SMAD2: variants seen among roughly 807,000 people sequenced by gnomAD.
SMAD2 encodes the protein SMAD family member 2.
In SMAD2, 8 loss-of-function variants were observed where a neutral mutation model predicts 64.4. The observed-to-expected ratio is 0.12, with a 90% CI of 0.07 to 0.22. SMAD2 has a LOEUF of 0.22. Among genes scored for constraint, SMAD2 ranks in the 10% least tolerant of loss-of-function variants. The pLI, the probability that SMAD2 is intolerant of heterozygous loss-of-function variation, is 1.00. For synonymous variants in SMAD2, 203 were observed against 195.8 expected (o/e 1.04, Z -0.31); for missense variants, 289 against 561.2 (o/e 0.51, Z 4.90).
chr18:47,899,602 G>A (rs1357366939), intron 1 of SMAD2, among the ~76,000 whole-genome samples: 1 of 152,140 alleles, frequency 6.6e-6, no homozygotes, highest in Admixed American at 6.5e-5. Flanking sequence ...AATGCATTGT[G>A]TTGCACATAA....
rs1913459233 is a variant in SMAD2, at chr18:47,836,836, A to T, written c.*4991T>A. 4.6e-6 allele frequency: 1 copy of T among 215,872 alleles called. No homozygotes were observed. The highest frequency in any genetic ancestry group is 9.3e-6 in the Non-Finnish European group (1 of 107,164). 13.4% of individuals were successfully genotyped at this position (215,872 alleles called of 1,614,324 possible). A position where few individuals can be genotyped will look rare whatever the true frequency, so the allele number is the denominator to read the frequency against. On this transcript the variant is annotated 3_prime_UTR_variant, in exon 11 of 11. Transcript: ENST00000262160. ...CTCAAAACACAGGAATTCCACTCCA[A>T]GAGATAATTTGCCCCTCAATCCCTA...
chr18:47,896,164 C>T (rs2033428793), intron 2 of SMAD2, among the ~76,000 whole-genome samples: 1 of 152,158 alleles, frequency 6.6e-6, no homozygotes, highest in Non-Finnish European at 1.5e-5. Context: ...TCTTTTCACC[C>T]CTGATGAAAG....
intron 2 of SMAD2, among the ~76,000 whole-genome samples, chr18:47,874,247 G>C (rs1027455834): frequency 6.6e-6 from 1 of 152,126 alleles, no homozygotes; most frequent in Non-Finnish European, 1.5e-5. Flanking sequence ...AAACAATCTT[G>C]AAAAAGAATT....
At position 47,818,767 on chromosome 18, in the gene SMAD2, G is replaced by A. The variant is rs1912460082; in HGVS notation, c.*23060C>T. The A allele has an allele frequency of 6.6e-6, 1 of 152,206 alleles. No homozygotes were observed. Among genetic ancestry groups the A allele is most frequent in the Non-Finnish European group, 1.5e-5 (1 of 68,034 alleles). The allele number at this position is 152,206 out of a possible 1,614,324, so 9.4% of individuals were successfully genotyped here. ...AAAAGGGGTTGGGGAGGTGGGGTAA[G>A]AGGTTTTTTAAAAATCCAAACTGCT... is the stretch of plus-strand genomic sequence containing the variant. On this transcript the variant is annotated 3_prime_UTR_variant, in exon 11 of 11. Transcript: ENST00000262160.
At position 47,824,785 on chromosome 18, in the gene SMAD2, A is replaced by C. The variant is rs1173837806; in HGVS notation, c.*17042T>G. 6.6e-6 allele frequency: 1 copy of C among 152,214 alleles called. No homozygotes were observed. Among genetic ancestry groups the C allele is most frequent in the Non-Finnish European group, 1.5e-5 (1 of 68,038 alleles). 9.4% of individuals were successfully genotyped at this position (152,214 alleles called of 1,614,324 possible). ...GAACATTTTTAATTTCAAACACCAA[A>C]CTTAAATAGACTAATAACACAGATC... On this transcript the variant is annotated 3_prime_UTR_variant, in exon 11 of 11. Coordinates refer to ENST00000262160, the MANE Select transcript of SMAD2 (RefSeq NM_005901.6).
intron 6 of SMAD2, among the ~76,000 whole-genome samples, chr18:47,857,919 T>A (rs1414157860): frequency 6.6e-6 from 1 of 152,218 alleles, no homozygotes; most frequent in Non-Finnish European, 1.5e-5. Context: ...CTGAAAGTTC[T>A]GATAAGGTAG....
chr18:47,817,864 T>TA lies in SMAD2; in HGVS notation c.*23962dup, dbSNP rs1912424410. 6.6e-6 allele frequency: 1 copy of TA among 152,238 alleles called. No homozygotes were observed. The highest frequency in any genetic ancestry group is 6.5e-5 in the Admixed American group (1 of 15,288). The allele number at this position is 152,238 out of a possible 1,614,324, so 9.4% of individuals were successfully genotyped here. ...AGCCACTAGGGCAATCGCCACCAGT[T>TA]AAAACACTGGTCCAAACACCTGACT... On this transcript the variant is annotated 3_prime_UTR_variant, in exon 11 of 11. Coordinates refer to ENST00000262160, the MANE Select transcript of SMAD2 (RefSeq NM_005901.6).
intron 2 of SMAD2, among the ~76,000 whole-genome samples, chr18:47,875,863 T>C (rs2032234067): frequency 6.6e-6 from 1 of 152,094 alleles, no homozygotes; most frequent in Admixed American, 6.6e-5. Flanking sequence ...AAAAATAGTA[T>C]CCATCACCTA....
intron 2 of SMAD2, among the ~76,000 whole-genome samples, chr18:47,872,504 GC>G (rs2031997103): frequency 6.6e-6 from 1 of 152,096 alleles, no homozygotes; most frequent in Admixed American, 6.5e-5. Context: ...TACATATTAT[GC>G]ATAATATAGA....
chr18:47,815,369 A>C lies in SMAD2; in HGVS notation c.*26458T>G, dbSNP rs1912334402. On this transcript the variant is annotated 3_prime_UTR_variant, in exon 11 of 11. Transcript: ENST00000262160. ...GTTTTAATGTGTGGGAGCTGGGAAG[A>C]GGGAAGAACATTGATAGAAAATCTG... The C allele has an allele frequency of 6.6e-6, 1 of 152,184 alleles. No individual in the cohort carries two copies. Among genetic ancestry groups the C allele is most frequent in the Non-Finnish European group, 1.5e-5 (1 of 68,024 alleles). The allele number at this position is 152,184 out of a possible 1,614,324, so 9.4% of individuals were successfully genotyped here.
At chr18:47,907,925 G>A (rs999837858) in intron 1 of SMAD2, among the ~76,000 whole-genome samples, 3 of 152,214 alleles carry the variant, frequency 2.0e-5, no homozygotes, top group South Asian at 4.1e-4. Flanking sequence ...GCGAGAGAGT[G>A]AGACTCTATC....
intron 6 of SMAD2, among the ~76,000 whole-genome samples, chr18:47,861,585 A>G (rs939527701): frequency 1.3e-5 from 2 of 152,256 alleles, no homozygotes; most frequent in Admixed American, 1.3e-4. Flanking sequence ...CTATACATCT[A>G]CATCAAAAAC....
At chr18:47,860,021 G>C (rs1375991864) in intron 6 of SMAD2, among the ~76,000 whole-genome samples, 1 of 152,056 alleles carries the variant, frequency 6.6e-6, no homozygotes, top group African/African-American at 2.4e-5. Context: ...TGTGGTCCCA[G>C]CTTCTCGAGA....
At chr18:47,880,113 AT>A (rs1255220218) in intron 2 of SMAD2, among the ~76,000 whole-genome samples, 1 of 152,108 alleles carries the variant, frequency 6.6e-6, no homozygotes, top group African/African-American at 2.4e-5. Flanking sequence ...ACTCTGACTT[AT>A]TTTTTAACAA....
chr18:47,899,585 T>C (rs1382087110), intron 1 of SMAD2, among the ~76,000 whole-genome samples: 1 of 152,168 alleles, frequency 6.6e-6, no homozygotes, highest in Non-Finnish European at 1.5e-5. Context: ...AAGTACTTAA[T>C]TGTGTCAATG....
intron 7 of SMAD2, among the ~76,000 whole-genome samples, chr18:47,850,721 A>T (rs1598761740): frequency 3.4e-5 from 1 of 29,288 alleles, no homozygotes; most frequent in South Asian, 1.5e-3. Flanking sequence ...TATATATATT[A>T]TATATATTAT....
chr18:47,894,304 G>A (rs916821603), intron 2 of SMAD2, among the ~76,000 whole-genome samples: 4 of 152,196 alleles, frequency 2.6e-5, no homozygotes, highest in Non-Finnish European at 5.9e-5. Flanking sequence ...CAGCCTCAAG[G>A]AGTTTTCTCG....
rs1912488900 is a variant in SMAD2, at chr18:47,819,448, A to G, written c.*22379T>C. 6.6e-6 allele frequency: 1 copy of G among 152,224 alleles called. No individual in the cohort carries two copies. The highest frequency in any genetic ancestry group is 2.4e-5 in the African/African-American group (1 of 41,450). The allele number at this position is 152,224 out of a possible 1,614,324, so 9.4% of individuals were successfully genotyped here. A position where few individuals can be genotyped will look rare whatever the true frequency, so the allele number is the denominator to read the frequency against. ...GGTAATAAAAATGGTTAACAGGAAA[A>G]TAACTTGAAATGACTAGCTATGTCT... On this transcript the variant is annotated 3_prime_UTR_variant, in exon 11 of 11. Coordinates refer to ENST00000262160, the MANE Select transcript of SMAD2 (RefSeq NM_005901.6).
At chr18:47,871,543 T>C (rs1385565210) in intron 2 of SMAD2, among the ~76,000 whole-genome samples, 1 of 152,206 alleles carries the variant, frequency 6.6e-6, no homozygotes, top group Non-Finnish European at 1.5e-5. Flanking sequence ...ACAGGTGCTG[T>C]CACATAGCTA....
Sources: gnomAD v4.1 joint callset for allele counts (sites outside exome capture counted in the v4.1 genomes callset) on GRCh38, gnomAD v4.1.1 for gene constraint, MANE v1.5 for transcripts, NCBI Gene and HGNC (gene_info 2026-07-23, HGNC 2026-07-21) for gene names.